Variants in CCNJL observed in about 807,000 individuals in gnomAD.
CCNJL encodes cyclin J like, also known as cyclin-J-like protein.
Under a neutral mutation model 33.4 loss-of-function variants are expected in CCNJL, and 33 were observed. The observed-to-expected ratio is 0.99, with a 90% CI of 0.75 to 1.32. The LOEUF is 1.32. CCNJL is among the 40% of genes most tolerant of loss of function. CCNJL has a pLI of 0.00. For synonymous variants in CCNJL, 227 were observed against 220.9 expected, an observed-to-expected ratio of 1.03 and a Z score of -0.24; for missense variants, 512 against 499.7, an observed-to-expected ratio of 1.02 and a Z score of -0.23.
chr5:160,265,298 A>T (rs1209488228), intron 3 of CCNJL, among the ~76,000 whole-genome samples: 2 of 152,200 alleles, frequency 1.3e-5, no homozygotes. Context: ...CTGGCTAAAG[A>T]GAAACAGGTT....
At chr5:160,260,631 T>C (rs1427565501) in intron 3 of CCNJL, among the ~76,000 whole-genome samples, 1 of 152,114 alleles carries the variant, frequency 6.6e-6, no homozygotes, top group African/African-American at 2.4e-5. Context: ...TGGGGGGGCA[T>C]GACAGCTTCC....
chr5:160,299,508 C>T (rs1762857569), intron 2 of CCNJL, among the ~76,000 whole-genome samples: 1 of 151,200 alleles, frequency 6.6e-6, no homozygotes, highest in Non-Finnish European at 1.5e-5. Flanking sequence ...ATGATGTGAA[C>T]AACTATAAAA....
intron 2 of CCNJL, among the ~76,000 whole-genome samples, chr5:160,295,669 A>G (rs1410478648): frequency 2.0e-5 from 3 of 152,160 alleles, no homozygotes; most frequent in African/African-American, 7.2e-5. Flanking sequence ...CCTTGTGAAG[A>G]TGGAGGCAGA....
At chr5:160,278,628 C>A (rs1237830589) in intron 3 of CCNJL, among the ~76,000 whole-genome samples, 1 of 152,202 alleles carries the variant, frequency 6.6e-6, no homozygotes, top group East Asian at 1.9e-4. Context: ...GAAACGTCCC[C>A]TCTCTCCGCC....
intron 3 of CCNJL, among the ~76,000 whole-genome samples, chr5:160,264,353 C>T (rs1171068560): frequency 6.6e-6 from 1 of 151,984 alleles, no homozygotes; most frequent in African/African-American, 2.4e-5. Flanking sequence ...GTAAGTGATG[C>T]CTCTTATGTG....
intron 3 of CCNJL, among the ~76,000 whole-genome samples, chr5:160,262,437 A>T (rs1487387420): frequency 6.6e-6 from 1 of 152,256 alleles, no homozygotes; most frequent in Non-Finnish European, 1.5e-5. Context: ...GGCCACAGCC[A>T]GGCAGTGCTG....
chr5:160,330,651 T>C (rs1393110322), intron 1 of CCNJL, among the ~76,000 whole-genome samples: 1 of 145,096 alleles, frequency 6.9e-6, no homozygotes, highest in Non-Finnish European at 1.5e-5. Context: ...TCTCTAACAC[T>C]GCTCCTGTCT....
At chr5:160,269,533 C>T (rs1761747616) in intron 3 of CCNJL, 1 of 456,244 alleles carries the variant, frequency 2.2e-6, no homozygotes, top group South Asian at 1.5e-5. Context: ...GACCCTGATC[C>T]TTTGTTCCGA....
At chr5:160,280,766 A>T (rs1321438653) in intron 2 of CCNJL, 28 bp from the exon 3 acceptor site, 1 of 1,484,072 alleles carries the variant, frequency 6.7e-7, no homozygotes, top group Admixed American at 1.9e-5. Context: ...CGGAGGGGTG[A>T]CGGTCAGGGC....
At chr5:160,266,208 G>A (rs1374885829) in intron 3 of CCNJL, among the ~76,000 whole-genome samples, 1 of 152,270 alleles carries the variant, frequency 6.6e-6, no homozygotes, top group Non-Finnish European at 1.5e-5. Flanking sequence ...GGCAGGGACA[G>A]AAGAGGAAAG....
intron 3 of CCNJL, among the ~76,000 whole-genome samples, chr5:160,278,817 T>C (rs529149490): frequency 2.6e-5 from 4 of 152,286 alleles, no homozygotes; most frequent in African/African-American, 9.6e-5. Context: ...CGCAAATTTC[T>C]CCTGTGCTGC....
chr5:160,311,706 C>T, intron 2 of CCNJL, 152 bp downstream of exon 2: 1 of 712,464 alleles, frequency 1.4e-6, no homozygotes, highest in Non-Finnish European at 2.5e-6. Flanking sequence ...CCCCCAATTC[C>T]GCTCAGACAC....
chr5:160,286,920 C>G (rs1221079915), intron 2 of CCNJL, among the ~76,000 whole-genome samples: 1 of 151,932 alleles, frequency 6.6e-6, no homozygotes, highest in African/African-American at 2.4e-5. Flanking sequence ...TCTTTGTGGC[C>G]GAAAATTTAC....
chr5:160,298,773 G>A (rs1374805452), intron 2 of CCNJL, among the ~76,000 whole-genome samples: 1 of 152,154 alleles, frequency 6.6e-6, no homozygotes, highest in Non-Finnish European at 1.5e-5. Context: ...CATTAGCGAA[G>A]TGTATAAACC....
Position 160,253,560 on chromosome 5 carries a change from A to T in CCNJL, c.982T>A (p.Ser328Thr). 1 of 1,614,140 alleles carries T rather than the reference A, an allele frequency of 6.2e-7. No individual in the cohort carries two copies. ...GGTTGGTACGGGGTGTGGAGGGATGAGCCTGTACTCCCCGAGAGCAGGCTC... is the reference window on the plus strand; with the variant it reads ...GGTTGGTACGGGGTGTGGAGGGATGTGCCTGTACTCCCCGAGAGCAGGCTC... ...SGSLLSGSTG[S>T]SLHTPYQPLQ... Residue 328 changes from serine (S) to threonine (T), a missense_variant, in exon 6 of 6, where the codon TCA becomes ACA. Ser to Thr is a moderately conservative substitution (Grantham distance 58). Transcript: ENST00000257536.
intron 1 of CCNJL, among the ~76,000 whole-genome samples, chr5:160,320,325 G>C (rs1008408954): frequency 2.6e-5 from 4 of 152,140 alleles, no homozygotes; most frequent in Non-Finnish European, 4.4e-5. Context: ...CCTTCCATGG[G>C]CCTCAGTTTC....
intron 1 of CCNJL, among the ~76,000 whole-genome samples, chr5:160,338,789 C>CTAT (rs1763713645): frequency 1.3e-5 from 2 of 151,042 alleles, no homozygotes; most frequent in African/African-American, 4.9e-5. Context: ...ACTAAAACTA[C>CTAT]TCTTCTTCTT....
intron 2 of CCNJL, among the ~76,000 whole-genome samples, chr5:160,310,417 AAAAG>A (rs1763225086): frequency 1.3e-5 from 2 of 152,242 alleles, no homozygotes; most frequent in Non-Finnish European, 2.9e-5. Context: ...GTACAGAAAG[AAAAG>A]AAAAAGGCAT....
chr5:160,333,892 C>G (rs1763643317), intron 1 of CCNJL, among the ~76,000 whole-genome samples: 1 of 152,102 alleles, frequency 6.6e-6, no homozygotes. Context: ...GTTGCAATTC[C>G]AACATTGCTT....
Sources: allele counts gnomAD v4.1 joint callset (sites outside exome capture counted in the v4.1 genomes callset), GRCh38; gene constraint gnomAD v4.1.1; transcripts MANE v1.5; gene names NCBI Gene and HGNC (gene_info 2026-07-23, HGNC 2026-07-21).